TRAPPC12: variants seen among roughly 807,000 people sequenced by gnomAD.
TRAPPC12 encodes trafficking protein particle complex subunit 12.
TRAPPC12 carries 61 observed loss-of-function variants against 69.2 expected under a neutral mutation model. The observed-to-expected ratio is 0.88, with a 90% CI of 0.72 to 1.09. The LOEUF is 1.09. Ranked by LOEUF, TRAPPC12 falls within the 50% of genes least tolerant of loss-of-function variation. The pLI is 0.00. For missense variants in TRAPPC12, 1,101 were observed against 1,016.4 expected, an observed-to-expected ratio of 1.08 and a Z score of -1.13; for synonymous variants, 469 against 438.9, an observed-to-expected ratio of 1.07 and a Z score of -0.86.
At chr2:3,447,745 T>G (rs982358353) in intron 6 of TRAPPC12, among the ~76,000 whole-genome samples, 4 of 152,284 alleles carry the variant, frequency 2.6e-5, no homozygotes, top group African/African-American at 7.2e-5. Flanking sequence ...CGGTGTTGAT[T>G]TGCTGGATTA....
At chr2:3,419,570 T>C (rs551739096) in intron 3 of TRAPPC12, among the ~76,000 whole-genome samples, 6 of 149,530 alleles carry the variant, frequency 4.0e-5, no homozygotes, top group African/African-American at 9.9e-5. Context: ...CTTGGTCCAG[T>C]GGCCGCACAC....
At chr2:3,458,368 A>AGGCCTGGT (rs1342537638) in intron 7 of TRAPPC12, 1 of 985,698 alleles carries the variant, frequency 1.0e-6, no homozygotes, top group African/African-American at 1.7e-5. Flanking sequence ...ATCTCCCCAC[A>AGGCCTGGT]GGCCTGGTGG....
intron 5 of TRAPPC12, among the ~76,000 whole-genome samples, chr2:3,439,876 T>G (rs1229570031): frequency 6.9e-6 from 1 of 143,982 alleles, no homozygotes; most frequent in Non-Finnish European, 1.5e-5. Flanking sequence ...GTAAGATCTG[T>G]GTCTAGATTC....
chr2:3,446,962 T>A (rs1053589192), intron 6 of TRAPPC12, among the ~76,000 whole-genome samples: 1 of 152,250 alleles, frequency 6.6e-6, no homozygotes, highest in African/African-American at 2.4e-5. Flanking sequence ...AAGAAGTGTG[T>A]ATTAGTCCAT....
intron 5 of TRAPPC12, among the ~76,000 whole-genome samples, chr2:3,435,951 G>A (rs528963531): frequency 8.5e-5 from 13 of 152,280 alleles, no homozygotes; most frequent in African/African-American, 3.1e-4. Flanking sequence ...TAAAAATATA[G>A]TTGATATTAC....
chr2:3,421,743 G>A (rs7558487), intron 3 of TRAPPC12, 138 bp from the exon 4 acceptor site: 9 of 787,780 alleles, frequency 1.1e-5, no homozygotes, highest in Admixed American at 2.0e-5. Context: ...GCACACTGAC[G>A]TTGTCACCAT....
chr2:3,410,986 C>T (rs535477363), intron 3 of TRAPPC12, among the ~76,000 whole-genome samples: 123 of 152,284 alleles, frequency 8.1e-4, no homozygotes, highest in African/African-American at 2.7e-3. Context: ...GCCAAGATCA[C>T]GCCACTGCAC....
At chr2:3,417,359 T>G (rs1436627779) in intron 3 of TRAPPC12, among the ~76,000 whole-genome samples, 3 of 151,778 alleles carry the variant, frequency 2.0e-5, no homozygotes, top group African/African-American at 7.3e-5. Context: ...GCTGCTCTCC[T>G]CCTGCCGGGC....
At chr2:3,387,532 G>T in intron 1 of TRAPPC12, 88 bp from the exon 2 acceptor site, 1 of 1,057,978 alleles carries the variant, frequency 9.5e-7, no homozygotes. Flanking sequence ...GGAAGTCTGC[G>T]TCATTTGAAT....
intron 9 of TRAPPC12, chr2:3,472,343 GT>G (rs1666101141): frequency 6.6e-6 from 1 of 152,306 alleles, no homozygotes; most frequent in African/African-American, 2.4e-5. Flanking sequence ...GAGGAGGGTG[GT>G]TTTACGCACA....
At chr2:3,417,809 G>A (rs569416473) in intron 3 of TRAPPC12, among the ~76,000 whole-genome samples, 207 of 152,180 alleles carry the variant, frequency 1.4e-3, no homozygotes, top group Non-Finnish European at 2.3e-3. Context: ...TTGGGAGGCC[G>A]AGGCAGGCAG....
intron 8 of TRAPPC12, among the ~76,000 whole-genome samples, chr2:3,461,855 G>A (rs1665523229): frequency 6.6e-6 from 1 of 152,058 alleles, no homozygotes; most frequent in African/African-American, 2.4e-5. Flanking sequence ...CCCAAGGCTT[G>A]GCCAGCAACC....
intron 9 of TRAPPC12, chr2:3,472,665 T>C (rs549185222): frequency 2.0e-5 from 3 of 152,094 alleles, no homozygotes; most frequent in African/African-American, 7.2e-5. Flanking sequence ...AAAGAAAAAG[T>C]AAAAAGACAA....
chr2:3,462,046 T>TA (rs1665536835), intron 8 of TRAPPC12, among the ~76,000 whole-genome samples: 2 of 152,262 alleles, frequency 1.3e-5, no homozygotes, highest in African/African-American at 4.8e-5. Flanking sequence ...GGAACATTCT[T>TA]ATGCAAAGAC....
chr2:3,420,773 C>T (rs914234084), intron 3 of TRAPPC12, among the ~76,000 whole-genome samples: 7 of 152,202 alleles, frequency 4.6e-5, no homozygotes, highest in African/African-American at 1.4e-4. Context: ...TTCTCTGTGT[C>T]CCGGCGTGGA....
intron 3 of TRAPPC12, among the ~76,000 whole-genome samples, chr2:3,410,073 A>G (rs1661974386): frequency 6.6e-6 from 1 of 152,192 alleles, no homozygotes; most frequent in African/African-American, 2.4e-5. Flanking sequence ...TTATCGTCTC[A>G]GGGAATTGGG....
Position 3,387,774 on chromosome 2 carries a change from GCATCGGAA to G in TRAPPC12, c.152_159del (p.Ala51GlyfsTer21). On this transcript the variant is annotated frameshift_variant, in exon 2 of 12. Coordinates refer to ENST00000324266, the MANE Select transcript of TRAPPC12 (RefSeq NM_016030.6). LOFTEE classifies it high-confidence loss of function. ...GTTTGGATCCGAAGAGAACGAGACC[GCATCGGAA>G]GGCTCGAGTCCTCTCGCGGACAAGC... 6.2e-7 allele frequency: 1 copy of G among 1,612,824 alleles called. No individual in the cohort carries two copies. Among genetic ancestry groups the G allele is most frequent in the Non-Finnish European group, 8.5e-7 (1 of 1,179,336 alleles).
intron 9 of TRAPPC12, among the ~76,000 whole-genome samples, chr2:3,475,906 C>T (rs912186260): frequency 4.6e-5 from 7 of 152,220 alleles, no homozygotes; most frequent in South Asian, 4.1e-4. Flanking sequence ...CGCCGGCACA[C>T]GTTAATCTTG....
In TRAPPC12 at chr2:3,453,625, G is replaced by A. The variant is rs139336221; in HGVS notation, c.1531-3996G>A. 6.2e-4 allele frequency among the ~76,000 whole-genome samples: 95 copies of A among 152,218 alleles called. 2 individuals are homozygous for A. Among genetic ancestry groups the A allele is most frequent in the African/African-American group, 2.1e-3 (88 of 41,514 alleles). On this transcript the variant is annotated intron_variant, in intron 6 of 11. Coordinates refer to ENST00000324266, the MANE Select transcript of TRAPPC12 (RefSeq NM_016030.6). ...CAAACGAACCGGGTGTGGCGTGCTGGGCCTTTATTCTTCTGGGACACAAAC... is the reference window on the plus strand; with the variant it reads ...CAAACGAACCGGGTGTGGCGTGCTGAGCCTTTATTCTTCTGGGACACAAAC...
Sources: allele counts gnomAD v4.1 joint callset (sites outside exome capture counted in the v4.1 genomes callset), GRCh38; gene constraint gnomAD v4.1.1; transcripts MANE v1.5; gene names NCBI Gene and HGNC (gene_info 2026-07-23, HGNC 2026-07-21).